The following ZNF841 variants were observed in gnomAD, a reference collection of about 807,000 sequenced individuals.
ZNF841 encodes the protein TCONS_00006091.
ZNF841 carries 11 observed loss-of-function variants against 13.0 expected under a neutral mutation model. The ratio of observed to expected loss-of-function variants is 0.85; its 90% CI spans 0.53 to 1.40. The LOEUF is 1.40. ZNF841 is among the 40% of genes most tolerant of loss of function. The probability of loss-of-function intolerance (pLI) is 0.00; values close to 1 mark genes in which losing one functional copy is unlikely to be tolerated. For synonymous variants in ZNF841, 369 were observed against 381.6 expected (o/e 0.97, Z 0.38); for missense variants, 1,068 against 1,139.5 (o/e 0.94, Z 0.90).
chr19:52,069,766 C>T (rs939569505), intron 6 of ZNF841, among the ~76,000 whole-genome samples: 4 of 152,172 alleles, frequency 2.6e-5, no homozygotes, highest in African/African-American at 9.7e-5. Context: ...ACCAAAGTGG[C>T]TGGCTCTGAC....
At chr19:52,089,314 A>C (rs2123370965) in intron 2 of ZNF841, among the ~76,000 whole-genome samples, 1 of 152,260 alleles carries the variant, frequency 6.6e-6, no homozygotes, top group South Asian at 2.1e-4. Context: ...ACTCCAACCA[A>C]GAGGCAGTAG....
intron 6 of ZNF841, among the ~76,000 whole-genome samples, chr19:52,073,747 A>G (rs2087809192): frequency 6.6e-6 from 1 of 152,226 alleles, no homozygotes; most frequent in African/African-American, 2.4e-5. Context: ...TTTTTAAATA[A>G]TGATTCAGTA....
chr19:52,075,909 G>C (rs2087883921), intron 6 of ZNF841, 135 bp downstream of exon 6: 7 of 1,257,712 alleles, frequency 5.6e-6, no homozygotes, highest in Non-Finnish European at 6.5e-6. Flanking sequence ...AAAGCAAAGT[G>C]ATAAGCAGGA....
In ZNF841 at chr19:52,094,425, T is replaced by G. The variant is rs373513703; in HGVS notation, c.-269-454A>C. Among the ~76,000 whole-genome samples the G allele has an allele frequency of 2.8e-3, 428 of 152,264 alleles. 2 individuals carry two copies. The highest frequency in any genetic ancestry group is 0.014 in the Middle Eastern group (4 of 294). ...GCGTCTTTTTTTTCTCCTTTTCTGTTTTGCACCCCTTTCTTTATTCCCTCT... is the reference window on the plus strand; with the variant it reads ...GCGTCTTTTTTTTCTCCTTTTCTGTGTTGCACCCCTTTCTTTATTCCCTCT... On this transcript the variant is annotated intron_variant, in intron 1 of 6. Coordinates refer to ENST00000594440, the MANE Select transcript of ZNF841 (RefSeq NM_001136499.2).
At chr19:52,062,929 G>A (rs977178293), downstream of ZNF841, among the ~76,000 whole-genome samples, 8 of 145,664 alleles carry the variant, frequency 5.5e-5, no homozygotes, top group Non-Finnish European at 1.0e-4. Context: ...AGGCTGGAGT[G>A]CAGTGGTGCA....
At chr19:52,092,909 A>G (rs2088550159) in intron 2 of ZNF841, among the ~76,000 whole-genome samples, 1 of 152,222 alleles carries the variant, frequency 6.6e-6, no homozygotes. Flanking sequence ...TCACGAGGTC[A>G]GGAGTTCGAG....
chr19:52,087,031 T>C (rs2088298789), intron 3 of ZNF841, among the ~76,000 whole-genome samples: 1 of 152,174 alleles, frequency 6.6e-6, no homozygotes. Context: ...TATGTTTTGT[T>C]TTAATTAGGG....
rs749389520 is a variant in ZNF841 at position 52,084,814 on chromosome 19, TTC to T, written c.-15_-14del. The T allele has an allele frequency of 6.8e-6, 11 of 1,612,712 alleles. No individual in the cohort carries two copies. The highest frequency in any genetic ancestry group is 1.7e-4 in the Middle Eastern group (1 of 6,000). ...GAGGAAGAGCCATCCCTGGCTCCTT[TTC>T]TTTCTTCTTTCTCTCCTGGGCCTCT... On this transcript the variant is annotated 5_prime_UTR_variant, in exon 4 of 7. Transcript: ENST00000594440.
Position 52,076,125 on chromosome 19 carries a change from T to A in ZNF841, c.190A>T (p.Lys64Ter). 2 of 1,557,190 alleles carry A rather than the reference T, an allele frequency of 1.3e-6. No individual in the cohort carries two copies. The highest frequency in any genetic ancestry group is 1.7e-6 in the Non-Finnish European group (2 of 1,149,736). ...TGGCTCACCACAGTCCAGGGCTCTT[T>A]CCCTTGCTCCAACATGGAGATAATA... ...LNIISMLEQG[K>*]EPWTVVSQVK... Residue 64 changes from lysine to a stop codon, truncating the protein, a stop_gained, in exon 6 of 7, where the codon AAA becomes TAA. Coordinates refer to ENST00000594440, the MANE Select transcript of ZNF841 (RefSeq NM_001136499.2). LOFTEE classifies it high-confidence loss of function.
Position 52,065,621 on chromosome 19 carries a change from C to A in ZNF841, c.2261G>T (p.Arg754Met), listed in dbSNP as rs761705775. ...KVFNSTTTLA[R>M]HRRIHTGEKP... ...CTCTCCAGTATGAATTCTCCGATGC[C>A]TTGCCAGGGTTGTAGTGGAGTTAAA... The change falls in exon 7 of 7, where the codon AGG (arginine) becomes ATG (methionine). Residue 754 changes from arginine (R) to methionine (M), a missense_variant. Physicochemically the swap from Arg to Met is moderately conservative, Grantham distance 91. Coordinates refer to ENST00000594440, the MANE Select transcript of ZNF841 (RefSeq NM_001136499.2). 8 of 1,611,556 alleles carry A rather than the reference C, an allele frequency of 5.0e-6. No homozygotes were observed. Among genetic ancestry groups the A allele is most frequent in the Admixed American group, 3.4e-5 (2 of 59,452 alleles).
At chr19:52,087,616 G>A (rs2088318822) in intron 3 of ZNF841, among the ~76,000 whole-genome samples, 1 of 152,078 alleles carries the variant, frequency 6.6e-6, no homozygotes, top group African/African-American at 2.4e-5. Context: ...CCAGAATGAA[G>A]TCTCTTGTGC....
At position 52,066,581 on chromosome 19, in the gene ZNF841, C is replaced by T; in HGVS notation, c.1301G>A (p.Cys434Tyr). ...TGAATTCTGATAAAAGACCTTGCCACATACATCACATGTATATGGTTTCTT... is the reference window on the plus strand; with the variant it reads ...TGAATTCTGATAAAAGACCTTGCCATATACATCACATGTATATGGTTTCTT... ...AGKKPYTCDV[C>Y]GKVFYQNSQL... Residue 434 changes from cysteine (C) to tyrosine (Y), a missense_variant, in exon 7 of 7, where the codon TGT (cysteine) becomes TAT (tyrosine). Physicochemically the swap from Cys to Tyr is radical, Grantham distance 194 (BLOSUM62 -2). Coordinates refer to ENST00000594440, the MANE Select transcript of ZNF841 (RefSeq NM_001136499.2). 1 of 1,613,706 alleles carries T rather than the reference C, an allele frequency of 6.2e-7. No individual in the cohort carries two copies. Among genetic ancestry groups the T allele is most frequent in the Non-Finnish European group, 8.5e-7 (1 of 1,179,806 alleles).
downstream of ZNF841, among the ~76,000 whole-genome samples, chr19:52,063,032 C>T (rs764891054): frequency 7.2e-5 from 11 of 152,018 alleles, no homozygotes; most frequent in Non-Finnish European, 1.5e-4. Context: ...CGTGCCACCA[C>T]GCCTGGCTAA....
intron 1 of ZNF841, among the ~76,000 whole-genome samples, chr19:52,094,887 C>T (rs867980960): frequency 4.3e-4 from 66 of 152,068 alleles, no homozygotes; most frequent in African/African-American, 1.5e-3. Context: ...TGCTTTTCTC[C>T]CCCTGCTACT....
intron 1 of ZNF841, among the ~76,000 whole-genome samples, chr19:52,094,883 T>C (rs1015619023): frequency 1.2e-4 from 18 of 152,112 alleles, no homozygotes; most frequent in Admixed American, 7.2e-4. Context: ...TGTGTGCTTT[T>C]CTCCCCCTGC....
intron 4 of ZNF841, among the ~76,000 whole-genome samples, chr19:52,082,557 C>T (rs1335230904): frequency 6.6e-6 from 1 of 152,098 alleles, no homozygotes; most frequent in Non-Finnish European, 1.5e-5. Flanking sequence ...ATAAAACAAA[C>T]ATTTACTTAT....
Position 52,066,511 on chromosome 19 carries a change from G to T in ZNF841, c.1371C>A (p.Tyr457Ter). The T allele has an allele frequency of 1.9e-6, 3 of 1,613,954 alleles. No homozygotes were observed. The highest frequency in any genetic ancestry group is 2.5e-6 in the Non-Finnish European group (3 of 1,179,914). Residue 457 changes from tyrosine (Y) to a stop codon, truncating the protein, a stop_gained, in exon 7 of 7, where the codon TAC (tyrosine) becomes TAA (stop). Coordinates refer to ENST00000594440, the MANE Select transcript of ZNF841 (RefSeq NM_001136499.2). LOFTEE classifies it low-confidence loss of function (END_TRUNC). ...AGACCTTGCCACATTCATTACATTT[G>T]TAAGGTGTCTCTCCAGTATGAATTA... Reference protein sequence around the residue: ...HQIIHTGETPYKCNECGKVFF... With the variant: ...HQIIHTGETP
intron 6 of ZNF841, 118 bp from the exon 7 acceptor site, chr19:52,067,728 T>C (rs1041607458): frequency 8.0e-6 from 5 of 623,048 alleles, no homozygotes; most frequent in African/African-American, 5.7e-5. Context: ...GAAACTTTTC[T>C]ACCATGATCT....
chr19:52,060,388 C>G (rs1443484800), downstream of ZNF841, among the ~76,000 whole-genome samples: 1 of 152,204 alleles, frequency 6.6e-6, no homozygotes, highest in Non-Finnish European at 1.5e-5. Flanking sequence ...CACAAAGACA[C>G]TTGCAAGTTT....
Sources: gnomAD v4.1 joint callset for allele counts (sites outside exome capture counted in the v4.1 genomes callset) on GRCh38, gnomAD v4.1.1 for gene constraint, MANE v1.5 for transcripts, NCBI Gene and HGNC (gene_info 2026-07-23, HGNC 2026-07-21) for gene names.